ANAPC10: variants seen among roughly 807,000 people sequenced by gnomAD.
The protein encoded by ANAPC10 is anaphase-promoting complex subunit 10.
In ANAPC10, 12 loss-of-function variants were observed where a neutral mutation model predicts 22.0. The observed-to-expected ratio is 0.55, with a 90% confidence interval of 0.35 to 0.88. The LOEUF (loss-of-function observed/expected upper bound fraction) is 0.88, where lower values mean the gene tolerates loss of function less well. Among genes scored for constraint, ANAPC10 ranks in the 40% least tolerant of loss-of-function variants. ANAPC10 has a pLI of 0.01. For synonymous variants in ANAPC10, 65 were observed against 69.5 expected (o/e 0.94, Z 0.32); for missense variants, 188 against 220.9 (o/e 0.85, Z 0.94).
At chr4:144,998,204 T>C (rs944957817) in intron 4 of ANAPC10, among the ~76,000 whole-genome samples, 27 of 152,156 alleles carry the variant, frequency 1.8e-4, no homozygotes, top group Non-Finnish European at 7.3e-5. Context: ...TATCCAGGAA[T>C]TGAACTCAGC....
intron 2 of ANAPC10, among the ~76,000 whole-genome samples, chr4:145,093,760 C>T (rs1183920892): frequency 6.6e-6 from 1 of 151,796 alleles, no homozygotes; most frequent in Non-Finnish European, 1.5e-5. Flanking sequence ...GATTTGAAGA[C>T]AGGCCAATGA....
chr4:145,049,215 T>C (rs1045749266), intron 4 of ANAPC10, among the ~76,000 whole-genome samples: 1 of 152,226 alleles, frequency 6.6e-6, no homozygotes, highest in Non-Finnish European at 1.5e-5. Context: ...ACCTTAATGA[T>C]GACGGCTACT....
At position 144,995,143 on chromosome 4, in the gene ANAPC10, T is replaced by C. The variant is rs1456190140; in HGVS notation, c.*230A>G. The C allele has an allele frequency of 2.7e-5, 8 of 300,708 alleles. No individual in the cohort carries two copies. Among genetic ancestry groups the C allele is most frequent in the Non-Finnish European group, 6.1e-6 (1 of 164,314 alleles). 18.6% of individuals were successfully genotyped at this position (300,708 alleles called of 1,614,324 possible). On this transcript the variant is annotated 3_prime_UTR_variant, in exon 5 of 5. Coordinates refer to ENST00000507656, the MANE Select transcript of ANAPC10 (RefSeq NM_001256706.2). Reference sequence around the variant, plus strand: ...TTTGATACAAGGGAAAATAAAATGATTGGCTTCAAATCCATTTTTAGTAAT... The same window carrying C: ...TTTGATACAAGGGAAAATAAAATGACTGGCTTCAAATCCATTTTTAGTAAT...
intron 4 of ANAPC10, among the ~76,000 whole-genome samples, chr4:145,060,819 A>G (rs1304545963): frequency 6.6e-6 from 1 of 152,050 alleles, no homozygotes; most frequent in Non-Finnish European, 1.5e-5. Flanking sequence ...ATATTGTGGT[A>G]GAATAACAGA....
At chr4:145,040,409 A>G (rs933345245) in intron 4 of ANAPC10, among the ~76,000 whole-genome samples, 2 of 152,210 alleles carry the variant, frequency 1.3e-5, no homozygotes, top group Non-Finnish European at 2.9e-5. Context: ...TGGCCTCCCA[A>G]AGTGCTGGGA....
chr4:145,012,209 T>C (rs1028673861), intron 4 of ANAPC10, among the ~76,000 whole-genome samples: 46 of 149,272 alleles, frequency 3.1e-4, no homozygotes, highest in African/African-American at 1.1e-3. Context: ...CACACACATA[T>C]ATATACATAT....
chr4:145,092,176 G>C (rs186619497), intron 2 of ANAPC10, among the ~76,000 whole-genome samples: 63 of 152,234 alleles, frequency 4.1e-4, no homozygotes, highest in Non-Finnish European at 6.9e-4. Context: ...GATGGGGTAG[G>C]GGGAGGGAGA....
chr4:145,095,834 T>C lies in ANAPC10; in HGVS notation c.115+151A>G, dbSNP rs1748424655. 5.7e-6 allele frequency: 5 copies of C among 882,792 alleles called. No homozygotes were observed. In the East Asian group the frequency reaches 7.7e-5, roughly 14 times the overall value. 54.7% of individuals were successfully genotyped at this position (882,792 alleles called of 1,614,324 possible). The stretch of plus-strand genomic sequence containing the variant: ...AGGTATTTATGTATAGGAAAAAACA[T>C]AGTATTAATATAGAAAGGGTTCAGT... On this transcript the variant is annotated intron_variant, in intron 2 of 4. Coordinates refer to ENST00000507656, the MANE Select transcript of ANAPC10 (RefSeq NM_001256706.2).
chr4:145,038,915 C>A (rs550545722), intron 4 of ANAPC10, among the ~76,000 whole-genome samples: 54 of 32,286 alleles, frequency 1.7e-3, no homozygotes, highest in Non-Finnish European at 1.6e-3. Flanking sequence ...GATGACGAGA[C>A]ATCACTTTCT....
intron 4 of ANAPC10, among the ~76,000 whole-genome samples, chr4:145,028,053 G>C (rs938831378): frequency 1.3e-5 from 2 of 152,202 alleles, no homozygotes; most frequent in Non-Finnish European, 2.9e-5. Context: ...AGAAAATGGG[G>C]AGGGAGCCAG....
chr4:145,083,536 AAAG>A (rs1164436947), intron 2 of ANAPC10, among the ~76,000 whole-genome samples: 1 of 152,182 alleles, frequency 6.6e-6, no homozygotes, highest in African/African-American at 2.4e-5. Flanking sequence ...CAAAAATGTA[AAAG>A]AATACCTATT....
chr4:145,003,705 TG>T (rs1732919572), intron 4 of ANAPC10, among the ~76,000 whole-genome samples: 1 of 152,228 alleles, frequency 6.6e-6, no homozygotes, highest in South Asian at 2.1e-4. Flanking sequence ...TGTATGTGTC[TG>T]TTTTTGTATC....
intron 4 of ANAPC10, among the ~76,000 whole-genome samples, chr4:145,059,347 A>C (rs1742533966): frequency 6.6e-6 from 1 of 152,148 alleles, no homozygotes; most frequent in Non-Finnish European, 1.5e-5. Context: ...ACAAGTAGAG[A>C]GCGAAAGGCC....
At chr4:144,997,717 T>C (rs1731841046) in intron 4 of ANAPC10, among the ~76,000 whole-genome samples, 1 of 152,154 alleles carries the variant, frequency 6.6e-6, no homozygotes, top group South Asian at 2.1e-4. Context: ...CAGGAACAAA[T>C]TCACACATCA....
intron 4 of ANAPC10, among the ~76,000 whole-genome samples, chr4:145,020,846 A>T (rs898033875): frequency 2.6e-5 from 4 of 151,968 alleles, no homozygotes; most frequent in Non-Finnish European, 2.9e-5. Flanking sequence ...TGCAAAAAAA[A>T]AAATAAAAAA....
At chr4:145,068,666 C>T (rs1429095476) in intron 3 of ANAPC10, among the ~76,000 whole-genome samples, 1 of 152,200 alleles carries the variant, frequency 6.6e-6, no homozygotes, top group Admixed American at 6.5e-5. Context: ...AATCCCAGCA[C>T]TTTGGGAGGC....
intron 3 of ANAPC10, 87 bp from the exon 4 acceptor site, chr4:145,064,779 G>A: frequency 8.4e-7 from 1 of 1,188,468 alleles, no homozygotes; most frequent in South Asian, 1.9e-5. Flanking sequence ...AAAAATCATA[G>A]TTTGCTAAAA....
intron 4 of ANAPC10, among the ~76,000 whole-genome samples, chr4:145,045,160 TA>T (rs1251825508): frequency 1.3e-5 from 2 of 152,110 alleles, no homozygotes; most frequent in Admixed American, 6.6e-5. Flanking sequence ...AAATATTATT[TA>T]TTTTTTTAAA....
intron 4 of ANAPC10, among the ~76,000 whole-genome samples, chr4:144,997,011 A>T (rs932501026): frequency 6.6e-6 from 1 of 152,172 alleles, no homozygotes; most frequent in Non-Finnish European, 1.5e-5. Context: ...AAATGAATGA[A>T]ATGAAGTGAG....
Sources: gnomAD v4.1 joint callset for allele counts (sites outside exome capture counted in the v4.1 genomes callset) on GRCh38, gnomAD v4.1.1 for gene constraint, MANE v1.5 for transcripts, NCBI Gene and HGNC (gene_info 2026-07-23, HGNC 2026-07-21) for gene names.